The following TLL1 variants were observed in gnomAD, a reference collection of about 807,000 sequenced individuals.
TLL1 encodes tolloid-like protein 1.
Under a neutral mutation model 128.2 loss-of-function variants are expected in TLL1, and 49 were observed. The ratio of observed to expected loss-of-function variants is 0.38; its 90% confidence interval spans 0.30 to 0.48. TLL1 has a LOEUF of 0.48. TLL1 is among the 20% of genes least tolerant of loss of function. TLL1 has a pLI of 0.96. For missense variants in TLL1, 1,123 were observed against 1,242.0 expected (o/e 0.90, Z 1.44); for synonymous variants, 454 against 418.8 (o/e 1.08, Z -1.03).
At chr4:165,973,985 A>T (rs912496591) in intron 1 of TLL1, among the ~76,000 whole-genome samples, 5 of 151,346 alleles carry the variant, frequency 3.3e-5, no homozygotes, top group African/African-American at 1.2e-4. Flanking sequence ...TCTTAATAGG[A>T]TCAGAGAAGT....
At chr4:166,029,115 C>G (rs1000713436) in intron 9 of TLL1, among the ~76,000 whole-genome samples, 1 of 151,760 alleles carries the variant, frequency 6.6e-6, no homozygotes, top group African/African-American at 2.4e-5. Flanking sequence ...TTTAATACAT[C>G]CCTTTTTTTG....
intron 1 of TLL1, among the ~76,000 whole-genome samples, chr4:165,963,064 A>AG (rs1240936531): frequency 6.7e-6 from 1 of 149,714 alleles, no homozygotes; most frequent in African/African-American, 2.4e-5. Flanking sequence ...CAAAAAAAAA[A>AG]AAAAAAAAAA....
intron 1 of TLL1, 93 bp from the exon 2 acceptor site, chr4:165,989,288 T>C (rs1158665446): frequency 1.1e-6 from 1 of 935,808 alleles, no homozygotes. Context: ...CAGACCACGT[T>C]TCCATATTTT....
intron 1 of TLL1, among the ~76,000 whole-genome samples, chr4:165,931,312 A>C (rs1360154545): frequency 2.6e-5 from 4 of 152,184 alleles, no homozygotes; most frequent in Non-Finnish European, 4.4e-5. Flanking sequence ...TTCTGAGCTT[A>C]ATTTAATTTT....
Position 166,099,331 on chromosome 4 carries a change from C to A in TLL1, c.2711C>A (p.Ala904Asp). The A allele has an allele frequency of 1.2e-6, 2 of 1,613,548 alleles. No homozygotes were observed. Among genetic ancestry groups the A allele is most frequent in the Non-Finnish European group, 1.7e-6 (2 of 1,179,656 alleles). ...ESKPRDLYSH[A>D]QFGDNNYPGQ... ...AAACCAAGAGATCTGTACTCACATG[C>A]TCAGTTTGGTGATAACAACTACCCA... The change falls in exon 20 of 21, where the codon GCT becomes GAT. Residue 904 changes from alanine (A) to aspartate (D), a missense_variant. Physicochemically the swap from Ala to Asp is moderately radical, Grantham distance 126 (BLOSUM62 -2). This residue lies in a region of TLL1 where 634 missense variants were observed against 672.4 expected (regional missense o/e 0.94). Transcript: ENST00000061240.
chr4:166,070,693 G>A (rs978248516), intron 16 of TLL1, among the ~76,000 whole-genome samples: 2 of 151,866 alleles, frequency 1.3e-5, no homozygotes, highest in Admixed American at 1.3e-4. Flanking sequence ...AATAATGTGT[G>A]CATTGCAATC....
chr4:166,027,715 G>T (rs17505717), intron 9 of TLL1, among the ~76,000 whole-genome samples: 7 of 152,014 alleles, frequency 4.6e-5, no homozygotes, highest in Admixed American at 2.0e-4. Context: ...TTGAGAACAA[G>T]TTTAAAGTAT....
chr4:165,902,970 TA>T (rs1732069578), intron 1 of TLL1, among the ~76,000 whole-genome samples: 1 of 152,216 alleles, frequency 6.6e-6, no homozygotes, highest in African/African-American at 2.4e-5. Context: ...GCATAATTGA[TA>T]AATTATACTT....
At chr4:165,923,404 C>T (rs1292637334) in intron 1 of TLL1, among the ~76,000 whole-genome samples, 3 of 130,856 alleles carry the variant, frequency 2.3e-5, no homozygotes, top group African/African-American at 5.6e-5. Context: ...GAAAGTGCAT[C>T]GGAAATATAG....
chr4:165,957,316 A>T (rs1734850712), intron 1 of TLL1, among the ~76,000 whole-genome samples: 1 of 152,112 alleles, frequency 6.6e-6, no homozygotes. Flanking sequence ...TCCTAAATAT[A>T]TAGGCGTCCA....
rs1005710617 is a variant in TLL1, at chr4:166,002,436, T to C, written c.633-955T>C. On this transcript the variant is annotated intron_variant, in intron 5 of 20. Coordinates refer to ENST00000061240, the MANE Select transcript of TLL1 (RefSeq NM_012464.5). ...TTAATTCATCTTTTGAAAATAATGT[T>C]CTTTCCTTTCTTTTTTTCTTTTTTA... Among the ~76,000 whole-genome samples the C allele has an allele frequency of 3.9e-5, 6 of 152,096 alleles. No homozygotes were observed. In the East Asian group the frequency reaches 1.2e-3, roughly 29 times the overall value.
rs1289456230 is a variant in TLL1, at chr4:166,057,090, A to T, written c.1721-94A>T. ...TGAGAATTTTGGGAGATATCATTCAAGGTGAGATTTGGGTGGGGACACAGC... is the reference window on the plus strand; with the variant it reads ...TGAGAATTTTGGGAGATATCATTCATGGTGAGATTTGGGTGGGGACACAGC... On this transcript the variant is annotated intron_variant, in intron 13 of 20. Coordinates refer to ENST00000061240, the MANE Select transcript of TLL1 (RefSeq NM_012464.5). 6 of 1,434,904 alleles carry T rather than the reference A, an allele frequency of 4.2e-6. No individual in the cohort carries two copies. The East Asian group carries it at 1.4e-4, about 33-fold the overall frequency. The allele number at this position is 1,434,904 out of a possible 1,614,324, so 88.9% of individuals were successfully genotyped here.
chr4:166,018,875 C>A (rs948576259), intron 8 of TLL1, among the ~76,000 whole-genome samples: 5 of 152,150 alleles, frequency 3.3e-5, no homozygotes, highest in South Asian at 2.1e-4. Context: ...ATTACTTCAG[C>A]CATATTGGAA....
intron 1 of TLL1, among the ~76,000 whole-genome samples, chr4:165,968,050 C>A (rs1250475515): frequency 6.6e-6 from 1 of 152,156 alleles, no homozygotes; most frequent in African/African-American, 2.4e-5. Flanking sequence ...GGCGAACCAC[C>A]CTCACAGAGT....
intron 18 of TLL1, among the ~76,000 whole-genome samples, chr4:166,090,926 G>A (rs1378357672): frequency 6.6e-6 from 1 of 151,818 alleles, no homozygotes; most frequent in Non-Finnish European, 1.5e-5. Context: ...TTCATATGAA[G>A]TTATTACATT....
At position 165,920,732 on chromosome 4, in the gene TLL1, G is replaced by A. The variant is rs953413584; in HGVS notation, c.169+46659G>A. On this transcript the variant is annotated intron_variant, in intron 1 of 20. Transcript: ENST00000061240. ...AAATATCTTTTCAAATATTCTTTTT[G>A]TTTATAAGTTATATGGTAATGGTGT... is the stretch of plus-strand genomic sequence containing the variant. Among the ~76,000 whole-genome samples, 7 of 152,104 alleles carry A rather than the reference G, an allele frequency of 4.6e-5. No individual in the cohort carries two copies. The East Asian group carries it at 7.7e-4, about 17-fold the overall frequency.
At chr4:166,004,900 G>A (rs918320534) in intron 6 of TLL1, among the ~76,000 whole-genome samples, 1 of 151,770 alleles carries the variant, frequency 6.6e-6, no homozygotes, top group African/African-American at 2.4e-5. Context: ...AAAATAAAGA[G>A]AACTCATTTT....
chr4:165,968,723 T>C (rs1457658878), intron 1 of TLL1, among the ~76,000 whole-genome samples: 2 of 152,184 alleles, frequency 1.3e-5, no homozygotes, highest in Non-Finnish European at 2.9e-5. Context: ...ATTTCAGTCA[T>C]AATGTTTTCT....
intron 1 of TLL1, among the ~76,000 whole-genome samples, chr4:165,905,826 C>A (rs1275433335): frequency 6.6e-6 from 1 of 152,106 alleles, no homozygotes; most frequent in East Asian, 1.9e-4. Context: ...CATTAGGATT[C>A]CTAATCTATT....
Sources: gnomAD v4.1 joint callset for allele counts (sites outside exome capture counted in the v4.1 genomes callset) on GRCh38, gnomAD v4.1.1 for gene constraint, gnomAD v4.1.1 regional missense constraint, MANE v1.5 for transcripts, NCBI Gene and HGNC (gene_info 2026-07-23, HGNC 2026-07-21) for gene names.